Variants in MCTP1 observed in about 807,000 individuals in gnomAD.
MCTP1 encodes the protein multiple C2 and transmembrane domain containing 1.
MCTP1 carries 69 observed loss-of-function variants against 120.6 expected under a neutral mutation model. That is an observed-to-expected ratio of 0.57 (90% CI 0.47 to 0.70). The LOEUF is 0.70. MCTP1 is among the 30% of genes least tolerant of loss of function. The pLI is 0.00. For synonymous variants in MCTP1, 529 were observed against 493.1 expected, an observed-to-expected ratio of 1.07 and a Z score of -0.96; for missense variants, 1,203 against 1,248.8, an observed-to-expected ratio of 0.96 and a Z score of 0.55.
chr5:94,996,239 T>C (rs1438089518), intron 2 of MCTP1, among the ~76,000 whole-genome samples: 1 of 152,228 alleles, frequency 6.6e-6, no homozygotes, highest in Non-Finnish European at 1.5e-5. Flanking sequence ...AACATGTACG[T>C]GATTACACTG....
intron 10 of MCTP1, among the ~76,000 whole-genome samples, chr5:94,904,590 A>G (rs567282360): frequency 6.6e-6 from 1 of 152,338 alleles, no homozygotes; most frequent in East Asian, 1.9e-4. Context: ...ATTATTACTG[A>G]AGTATAAAGA....
At chr5:95,072,081 C>CTGTGTG (rs56135843) in intron 1 of MCTP1, among the ~76,000 whole-genome samples, 5,774 of 143,528 alleles carry the variant, frequency 0.04, 168 homozygotes, top group African/African-American at 0.073. Flanking sequence ...GCCAATTTTC[C>CTGTGTG]TGTGTGTGTG....
intron 1 of MCTP1, among the ~76,000 whole-genome samples, chr5:95,177,225 T>C (rs1266498021): frequency 6.6e-6 from 1 of 152,046 alleles, no homozygotes; most frequent in Non-Finnish European, 1.5e-5. Flanking sequence ...TTTAAGGAAT[T>C]GGCTCCTGTG....
At chr5:95,116,643 C>A (rs753485404) in intron 1 of MCTP1, among the ~76,000 whole-genome samples, 1 of 151,756 alleles carries the variant, frequency 6.6e-6, no homozygotes, top group African/African-American at 2.4e-5. Context: ...GCCATTTTCA[C>A]GATATTGATT....
chr5:94,704,904 AGAAT>A lies in MCTP1; in HGVS notation c.*2588_*2591del, dbSNP rs1218488579. Reference sequence around the variant, plus strand: ...ATCAGTTTGAGTCTGGAACAGTACCAGAATGAATGAGAAGTACTATTATGTTCTT... The same window carrying A: ...ATCAGTTTGAGTCTGGAACAGTACCAGAATGAGAAGTACTATTATGTTCTT... On this transcript the variant is annotated 3_prime_UTR_variant, in exon 23 of 23. Transcript: ENST00000515393. 4 of 151,276 alleles carry A rather than the reference AGAAT, an allele frequency of 2.6e-5. No individual in the cohort carries two copies. Among genetic ancestry groups the A allele is most frequent in the Non-Finnish European group, 5.9e-5 (4 of 67,566 alleles). The allele number at this position is 151,276 out of a possible 1,614,324, so 9.4% of individuals were successfully genotyped here.
intron 1 of MCTP1, among the ~76,000 whole-genome samples, chr5:95,106,828 G>C (rs1757120149): frequency 1.3e-5 from 2 of 152,142 alleles, no homozygotes; most frequent in Non-Finnish European, 2.9e-5. Context: ...AACTGATCCA[G>C]AACAGTCATT....
intron 4 of MCTP1, among the ~76,000 whole-genome samples, chr5:94,941,785 G>C (rs1817781702): frequency 6.6e-6 from 1 of 150,632 alleles, no homozygotes; most frequent in Non-Finnish European, 1.5e-5. Flanking sequence ...ATTAATATTA[G>C]TAACAATAGT....
intron 12 of MCTP1, among the ~76,000 whole-genome samples, chr5:94,877,416 C>T (rs1412809584): frequency 6.6e-6 from 1 of 151,552 alleles, no homozygotes; most frequent in Middle Eastern, 3.2e-3. Flanking sequence ...TTTTAAATCT[C>T]CCATGAGAAT....
intron 17 of MCTP1, among the ~76,000 whole-genome samples, chr5:94,825,363 T>C (rs186762257): frequency 2.6e-5 from 4 of 152,358 alleles, no homozygotes; most frequent in Non-Finnish European, 1.5e-5. Context: ...AATGAGTTTC[T>C]TAATCCTGAG....
intron 1 of MCTP1, among the ~76,000 whole-genome samples, chr5:95,228,087 C>G (rs1754487434): frequency 6.6e-6 from 1 of 151,996 alleles, no homozygotes; most frequent in African/African-American, 2.4e-5. Flanking sequence ...GGAGAGATTT[C>G]CAATAAGTTG....
intron 17 of MCTP1, among the ~76,000 whole-genome samples, chr5:94,811,562 C>T (rs772346018): frequency 1.3e-5 from 2 of 152,142 alleles, no homozygotes; most frequent in African/African-American, 2.4e-5. Flanking sequence ...TCAAACCAAA[C>T]CCGACTTTTT....
At chr5:95,145,753 A>G (rs1029278839) in intron 1 of MCTP1, among the ~76,000 whole-genome samples, 16 of 152,102 alleles carry the variant, frequency 1.1e-4, no homozygotes, top group Admixed American at 6.6e-5. Flanking sequence ...TTTGATCATG[A>G]CTAATTAACT....
Position 94,778,152 on chromosome 5 carries a change from C to CATAAATTAA in MCTP1, c.2610+949_2610+957dup, listed in dbSNP as rs1261332796. Among the ~76,000 whole-genome samples the CATAAATTAA allele has an allele frequency of 4.0e-5, 6 of 151,834 alleles. No individual in the cohort carries two copies. The East Asian group carries it at 1.2e-3, about 29-fold the overall frequency. ...CTTTACTGGAATCAAAGGTCAAGGG[C>CATAAATTAA]ATAAATTAAAATATACTGTTTTCCT... On this transcript the variant is annotated intron_variant, in intron 19 of 22. Transcript: ENST00000515393.
At chr5:95,009,099 AG>A (rs1235368040) in intron 2 of MCTP1, among the ~76,000 whole-genome samples, 3 of 104,136 alleles carry the variant, frequency 2.9e-5, no homozygotes, top group Non-Finnish European at 7.2e-5. Flanking sequence ...AGAGAGAGAG[AG>A]AGAGAGAGAA....
intron 2 of MCTP1, among the ~76,000 whole-genome samples, chr5:94,986,130 T>C (rs969338603): frequency 1.3e-5 from 2 of 152,162 alleles, no homozygotes; most frequent in African/African-American, 4.8e-5. Context: ...TGAAAAGCAT[T>C]GTTTCCCAAG....
intron 19 of MCTP1, among the ~76,000 whole-genome samples, chr5:94,735,660 A>G (rs1271696489): frequency 6.6e-6 from 1 of 152,208 alleles, no homozygotes. Context: ...GTTTCACTCT[A>G]TATAAATAGC....
At chr5:95,218,414 A>G (rs946751894) in intron 1 of MCTP1, among the ~76,000 whole-genome samples, 1 of 152,132 alleles carries the variant, frequency 6.6e-6, no homozygotes, top group African/African-American at 2.4e-5. Flanking sequence ...AGTATTTCCC[A>G]ATGTATGGAA....
At chr5:95,045,493 T>C (rs1842996653) in intron 1 of MCTP1, among the ~76,000 whole-genome samples, 1 of 152,158 alleles carries the variant, frequency 6.6e-6, no homozygotes, top group African/African-American at 2.4e-5. Context: ...GAACAGTTCC[T>C]AGAGTCGATG....
intron 1 of MCTP1, among the ~76,000 whole-genome samples, chr5:95,061,969 G>GTACT (rs1749355334): frequency 6.6e-6 from 1 of 152,184 alleles, no homozygotes; most frequent in South Asian, 2.1e-4. Context: ...TGGAGCCTGT[G>GTACT]TACTTCTTCA....
Sources: gnomAD v4.1 joint callset for allele counts (sites outside exome capture counted in the v4.1 genomes callset) on GRCh38, gnomAD v4.1.1 for gene constraint, MANE v1.5 for transcripts, NCBI Gene and HGNC (gene_info 2026-07-23, HGNC 2026-07-21) for gene names.